The following SHLD1 variants were observed in gnomAD, a reference collection of about 807,000 sequenced individuals.
The protein encoded by SHLD1 is shieldin complex subunit 1, also known as RINN1-REV7-interacting novel NHEJ regulator 3.
Under a neutral mutation model 5.5 loss-of-function variants are expected in SHLD1, and 3 were observed. That is an observed-to-expected ratio of 0.54 (90% CI 0.25 to 1.40). The LOEUF is 1.40. SHLD1 is among the 40% of genes most tolerant of loss of function. The probability of loss-of-function intolerance (pLI) is 0.15; values close to 1 mark genes in which losing one functional copy is unlikely to be tolerated. For missense variants in SHLD1, 210 were observed against 244.4 expected (o/e 0.86, Z 0.94); for synonymous variants, 92 against 94.3 (o/e 0.98, Z 0.14).
At chr20:5,838,869 A>C (rs1340867254) in intron 2 of SHLD1, among the ~76,000 whole-genome samples, 1 of 152,218 alleles carries the variant, frequency 6.6e-6, no homozygotes, top group Non-Finnish European at 1.5e-5. Flanking sequence ...GCATTTGATT[A>C]ATATTAAATT....
chr20:5,863,546 G>A lies in SHLD1; in HGVS notation c.*83G>A, dbSNP rs1415427788. 3.3e-5 allele frequency: 45 copies of A among 1,373,534 alleles called. No individual in the cohort carries two copies. The Admixed American group carries it at 9.7e-4, about 30-fold the overall frequency. 85.1% of individuals were successfully genotyped at this position (1,373,534 alleles called of 1,614,324 possible). On this transcript the variant is annotated 3_prime_UTR_variant, in exon 3 of 3. Coordinates refer to ENST00000303142, the MANE Select transcript of SHLD1 (RefSeq NM_152504.4). The stretch of plus-strand genomic sequence containing the variant: ...TTGGTGGCCACCCAGATCCCCTAGG[G>A]TCTCTGGCCAGCTCTGTGTGCCCAA...
rs886925625 is a variant in SHLD1, at chr20:5,784,781, T to C, written c.178+11738T>C. 2.0e-5 allele frequency among the ~76,000 whole-genome samples: 3 copies of C among 152,164 alleles called. No individual in the cohort carries two copies. The East Asian group carries it at 5.8e-4, about 29-fold the overall frequency. On this transcript the variant is annotated intron_variant, in intron 2 of 2. Transcript: ENST00000303142. ...TATTTTTAAAAGCTCAAGAATGTTA[T>C]TTGCCACCTGTGACATCTCTCGTTG...
At chr20:5,858,559 C>T (rs1485361212) in intron 2 of SHLD1, among the ~76,000 whole-genome samples, 3 of 152,138 alleles carry the variant, frequency 2.0e-5, no homozygotes, top group African/African-American at 7.2e-5. Flanking sequence ...TCAGGCTGAG[C>T]GTGGTGGCTC....
At chr20:5,847,730 T>C (rs543949182) in intron 2 of SHLD1, among the ~76,000 whole-genome samples, 5 of 152,330 alleles carry the variant, frequency 3.3e-5, no homozygotes, top group African/African-American at 1.2e-4. Context: ...TGTCTGACAA[T>C]ATCAGAATTT....
chr20:5,754,413 G>A (rs76883686), intron 1 of SHLD1, among the ~76,000 whole-genome samples: 11,666 of 152,076 alleles, frequency 0.077, 498 homozygotes, highest in Middle Eastern at 0.099. Context: ...ACCTGGCCAT[G>A]ATCTCTATTT....
intron 1 of SHLD1, among the ~76,000 whole-genome samples, chr20:5,763,805 C>T (rs1434646227): frequency 6.6e-6 from 1 of 151,826 alleles, no homozygotes; most frequent in Non-Finnish European, 1.5e-5. Context: ...CATCATCAAG[C>T]CATTTTATAG....
chr20:5,822,593 C>T (rs2087618221), intron 2 of SHLD1, among the ~76,000 whole-genome samples: 2 of 151,932 alleles, frequency 1.3e-5, no homozygotes, highest in African/African-American at 2.4e-5. Context: ...TTGTGTGGTT[C>T]CTTATCGTAC....
chr20:5,760,419 T>G (rs939658252), intron 1 of SHLD1, among the ~76,000 whole-genome samples: 4 of 151,976 alleles, frequency 2.6e-5, no homozygotes, highest in African/African-American at 9.7e-5. Flanking sequence ...GAGGCCGGGC[T>G]TGGTGGCTTA....
intron 2 of SHLD1, among the ~76,000 whole-genome samples, chr20:5,781,521 A>G (rs1224061451): frequency 6.6e-6 from 1 of 152,186 alleles, no homozygotes; most frequent in Non-Finnish European, 1.5e-5. Context: ...TCTGTTGTCC[A>G]GGCTGGAGTG....
chr20:5,855,670 C>T lies in SHLD1; in HGVS notation c.179-7354C>T, dbSNP rs1434542498. Among the ~76,000 whole-genome samples, 1 of 152,218 alleles carries T rather than the reference C, an allele frequency of 6.6e-6. No individual in the cohort carries two copies. Among genetic ancestry groups the T allele is most frequent in the Non-Finnish European group, 1.5e-5 (1 of 68,038 alleles). On this transcript the variant is annotated intron_variant, in intron 2 of 2. Coordinates refer to ENST00000303142, the MANE Select transcript of SHLD1 (RefSeq NM_152504.4). The surrounding 1 kb of genome is among the most constrained non-coding windows in gnomAD (Gnocchi z 4.4). ...TATAGACATGAGCCGCCGCACCTGGCCTGCCAACCACATTTTATTTATCCA... is the reference window on the plus strand; with the variant it reads ...TATAGACATGAGCCGCCGCACCTGGTCTGCCAACCACATTTTATTTATCCA...
chr20:5,832,699 C>G (rs1168167611), intron 2 of SHLD1, among the ~76,000 whole-genome samples: 1 of 151,950 alleles, frequency 6.6e-6, no homozygotes, highest in Non-Finnish European at 1.5e-5. Flanking sequence ...ATGCAGTCTA[C>G]TAATATAATC....
At chr20:5,761,143 A>G (rs1205074087) in intron 1 of SHLD1, among the ~76,000 whole-genome samples, 3 of 152,128 alleles carry the variant, frequency 2.0e-5, no homozygotes, top group African/African-American at 7.2e-5. Context: ...ATTCTCAGCA[A>G]ACTAACACAG....
chr20:5,811,627 G>A (rs1006744021), intron 2 of SHLD1, among the ~76,000 whole-genome samples: 1 of 152,126 alleles, frequency 6.6e-6, no homozygotes, highest in Non-Finnish European at 1.5e-5. Flanking sequence ...GACCAAGGAG[G>A]GAGGATTGCT....
intron 2 of SHLD1, among the ~76,000 whole-genome samples, chr20:5,817,394 T>TTATCTCTCTCTCTC (rs1215974453): frequency 1.3e-5 from 1 of 75,786 alleles, no homozygotes; most frequent in Non-Finnish European, 2.7e-5. Context: ...ACGGGATATT[T>TTATCTCTCTCTCTC]TCTCTCTCTC....
intron 1 of SHLD1, among the ~76,000 whole-genome samples, chr20:5,769,334 C>T (rs974026854): frequency 6.6e-6 from 1 of 152,152 alleles, no homozygotes; most frequent in Non-Finnish European, 1.5e-5. Flanking sequence ...ATTAATGTTT[C>T]TTCTCTGCTG....
intron 1 of SHLD1, chr20:5,765,310 A>G (rs1282452826): frequency 6.6e-6 from 1 of 152,186 alleles, no homozygotes; most frequent in African/African-American, 2.4e-5. Context: ...CAGTGGCACG[A>G]TCTCAGCTCA....
intron 2 of SHLD1, among the ~76,000 whole-genome samples, chr20:5,854,245 A>G (rs2088052010): frequency 6.6e-6 from 1 of 152,208 alleles, no homozygotes; most frequent in East Asian, 1.9e-4. Flanking sequence ...ACTTCCAGTG[A>G]TCTGCCCACC....
At chr20:5,764,708 A>G (rs1247129097) in intron 1 of SHLD1, among the ~76,000 whole-genome samples, 1 of 152,106 alleles carries the variant, frequency 6.6e-6, no homozygotes, top group Non-Finnish European at 1.5e-5. Flanking sequence ...ATAAATGGAA[A>G]TAATGTGTTT....
chr20:5,757,233 C>T (rs753057867), intron 1 of SHLD1, among the ~76,000 whole-genome samples: 5 of 151,774 alleles, frequency 3.3e-5, no homozygotes, highest in South Asian at 2.1e-4. Context: ...TACACCACCA[C>T]GCCCAGCTAT....
Sources: gnomAD v4.1 joint callset for allele counts (sites outside exome capture counted in the v4.1 genomes callset) on GRCh38, gnomAD v4.1.1 for gene constraint, Gnocchi (gnomAD v3.1) non-coding constraint, MANE v1.5 for transcripts, NCBI Gene and HGNC (gene_info 2026-07-23, HGNC 2026-07-21) for gene names.